The following THSD7A variants were observed in gnomAD, a reference collection of about 807,000 sequenced individuals.
THSD7A encodes the protein thrombospondin type-1 domain-containing protein 7A.
In THSD7A, 96 loss-of-function variants were observed where a neutral mutation model predicts 231.3. That is an observed-to-expected ratio of 0.41 (90% CI 0.35 to 0.49). The LOEUF (loss-of-function observed/expected upper bound fraction) is 0.49, where lower values mean the gene tolerates loss of function less well. Among genes scored for constraint, THSD7A ranks in the 20% least tolerant of loss-of-function variants. The probability of loss-of-function intolerance (pLI) is 0.05; values close to 1 mark genes in which losing one functional copy is unlikely to be tolerated. For synonymous variants in THSD7A, 940 were observed against 743.3 expected (o/e 1.26, Z -4.30); for missense variants, 2,290 against 2,070.2 (o/e 1.11, Z -2.06).
chr7:11,417,301 T>C, intron 17 of THSD7A, 149 bp downstream of exon 17: 1 of 706,640 alleles, frequency 1.4e-6, no homozygotes, highest in Non-Finnish European at 2.3e-6. Context: ...TAGAATGATG[T>C]GGCAGAGAAG....
At chr7:11,729,704 G>T (rs1196196948) in intron 1 of THSD7A, among the ~76,000 whole-genome samples, 3 of 151,606 alleles carry the variant, frequency 2.0e-5, no homozygotes, top group African/African-American at 7.2e-5. Context: ...TATAAGGAAA[G>T]AAATCCATTC....
At chr7:11,785,308 T>C (rs1016313308) in intron 1 of THSD7A, among the ~76,000 whole-genome samples, 1 of 152,178 alleles carries the variant, frequency 6.6e-6, no homozygotes, top group African/African-American at 2.4e-5. Flanking sequence ...GCATTCATTA[T>C]ACACTACAGC....
intron 23 of THSD7A, 62 bp downstream of exon 23, chr7:11,401,733 A>G: frequency 6.8e-7 from 1 of 1,469,590 alleles, no homozygotes; most frequent in South Asian, 1.4e-5. Context: ...TTTTTAACAG[A>G]CTATTTTTTT....
chr7:11,772,553 A>G (rs746877254), intron 1 of THSD7A, among the ~76,000 whole-genome samples: 1 of 152,182 alleles, frequency 6.6e-6, no homozygotes, highest in Non-Finnish European at 1.5e-5. Context: ...TAAAAAAAGA[A>G]ATCATGTCCT....
At chr7:11,485,439 G>C (rs751695618) in intron 6 of THSD7A, among the ~76,000 whole-genome samples, 7 of 152,136 alleles carry the variant, frequency 4.6e-5, no homozygotes, top group African/African-American at 1.7e-4. Flanking sequence ...TCAATGAATA[G>C]TTGCTGAATG....
chr7:11,533,761 C>T (rs6946249), intron 6 of THSD7A, among the ~76,000 whole-genome samples: 1 of 151,996 alleles, frequency 6.6e-6, no homozygotes, highest in Non-Finnish European at 1.5e-5. Flanking sequence ...AGAGCATCAG[C>T]ACAAACAGCT....
intron 6 of THSD7A, among the ~76,000 whole-genome samples, chr7:11,521,367 G>T (rs2128316314): frequency 6.6e-6 from 1 of 152,126 alleles, no homozygotes; most frequent in East Asian, 1.9e-4. Flanking sequence ...TAATTTTAAA[G>T]AAAAATTGCT....
chr7:11,772,415 A>T (rs1428107982), intron 1 of THSD7A, among the ~76,000 whole-genome samples: 1 of 152,160 alleles, frequency 6.6e-6, no homozygotes, highest in Non-Finnish European at 1.5e-5. Context: ...AAAAAGACAC[A>T]TGCACCCATA....
At chr7:11,445,993 T>C (rs1371735104) in intron 13 of THSD7A, 68 bp downstream of exon 13, 6 of 1,576,286 alleles carry the variant, frequency 3.8e-6, no homozygotes, top group Non-Finnish European at 4.3e-6. Context: ...CATTCCACTA[T>C]GATGCGTGTG....
chr7:11,600,312 C>T (rs935395643), intron 2 of THSD7A, among the ~76,000 whole-genome samples: 3 of 151,988 alleles, frequency 2.0e-5, no homozygotes, highest in Non-Finnish European at 2.9e-5. Context: ...AACTTTGACA[C>T]GTAGGATACA....
chr7:11,470,104 G>A, intron 8 of THSD7A, 110 bp from the exon 9 acceptor site: 1 of 738,276 alleles, frequency 1.4e-6, no homozygotes. Flanking sequence ...TCACTCATCT[G>A]TATTATTTAA....
chr7:11,757,922 GTAATAA>G (rs1274390348), intron 1 of THSD7A, among the ~76,000 whole-genome samples: 1 of 149,904 alleles, frequency 6.7e-6, no homozygotes, highest in Middle Eastern at 3.2e-3. Context: ...GGCCAATTTA[GTAATAA>G]TAATAATAAT....
chr7:11,765,481 T>C (rs10242780), intron 1 of THSD7A, among the ~76,000 whole-genome samples: 4,068 of 152,274 alleles, frequency 0.027, 196 homozygotes, highest in African/African-American at 0.093. Context: ...AAGCAACAAA[T>C]GTTTCCTTCC....
At chr7:11,491,423 T>A (rs1786888554) in intron 6 of THSD7A, among the ~76,000 whole-genome samples, 1 of 152,016 alleles carries the variant, frequency 6.6e-6, no homozygotes, top group African/African-American at 2.4e-5. Context: ...CCCCTTTCTC[T>A]CTGGACTACG....
chr7:11,475,940 T>C (rs946005584), intron 7 of THSD7A, among the ~76,000 whole-genome samples: 2 of 145,562 alleles, frequency 1.4e-5, no homozygotes, highest in Non-Finnish European at 3.0e-5. Context: ...CTTTCCTTTT[T>C]TTTTTTTTTT....
At chr7:11,492,645 A>T (rs1316013924) in intron 6 of THSD7A, among the ~76,000 whole-genome samples, 1 of 152,064 alleles carries the variant, frequency 6.6e-6, no homozygotes, top group Non-Finnish European at 1.5e-5. Context: ...TAAGGCAGTG[A>T]AATCTGAACA....
intron 1 of THSD7A, among the ~76,000 whole-genome samples, chr7:11,649,264 C>T (rs1196589332): frequency 2.6e-5 from 4 of 151,966 alleles, no homozygotes; most frequent in African/African-American, 9.7e-5. Context: ...GATCTTTTGG[C>T]ACCAGTTAAT....
chr7:11,769,252 C>T (rs1375585306), intron 1 of THSD7A, among the ~76,000 whole-genome samples: 3 of 148,504 alleles, frequency 2.0e-5, no homozygotes, highest in Non-Finnish European at 4.5e-5. Flanking sequence ...CTGCCTCGGC[C>T]TCCCAAAGTG....
rs1484710859 is a variant in THSD7A at position 11,379,500 on chromosome 7, AAGGAGATGTCTAAAATGGGATTT to A, written c.4590+107_4590+129del. On this transcript the variant is annotated intron_variant, in intron 25 of 27. Transcript: ENST00000423059. ...AAGTCAGGACTTTTTAGATTGATAAAAGGAGATGTCTAAAATGGGATTTTTATGCCTCAAGACATGCTTTCTTT... is the reference window on the plus strand; with the variant it reads ...AAGTCAGGACTTTTTAGATTGATAAATTATGCCTCAAGACATGCTTTCTTT... The A allele has an allele frequency of 3.2e-6, 3 of 947,368 alleles. No individual in the cohort carries two copies. In the African/African-American group the frequency reaches 5.0e-5, roughly 16 times the overall value. 58.7% of individuals were successfully genotyped at this position (947,368 alleles called of 1,614,324 possible).
Sources: gnomAD v4.1 joint callset for allele counts (sites outside exome capture counted in the v4.1 genomes callset) on GRCh38, gnomAD v4.1.1 for gene constraint, MANE v1.5 for transcripts, NCBI Gene and HGNC (gene_info 2026-07-23, HGNC 2026-07-21) for gene names.